The following REDIC1 variants were observed in gnomAD, a reference collection of about 807,000 sequenced individuals.
REDIC1 encodes the protein HEI10 Interacting Protein 1.
the REDIC1 span, among the ~76,000 whole-genome samples, chr12:39,729,967 G>T: frequency 1.4e-4 from 21 of 152,114 alleles, no homozygotes; most frequent in African/African-American, 5.1e-4. Flanking sequence ...TTTTATCAGA[G>T]ACTAGGATTG....
the REDIC1 span, among the ~76,000 whole-genome samples, chr12:39,777,233 G>A: frequency 6.6e-6 from 1 of 152,126 alleles, no homozygotes; most frequent in East Asian, 1.9e-4. Flanking sequence ...GAAAAGAAGA[G>A]ACCGGACTAA....
chr12:39,783,717 T>C, the REDIC1 span, among the ~76,000 whole-genome samples: 1 of 152,184 alleles, frequency 6.6e-6, no homozygotes, highest in Non-Finnish European at 1.5e-5. Flanking sequence ...TGGGGGTTGT[T>C]TGTTTTCTTG....
At chr12:39,683,360 A>G in the REDIC1 span, 7 of 1,341,592 alleles carry the variant, frequency 5.2e-6, no homozygotes, top group Non-Finnish European at 7.4e-6. Context: ...TGAATTAAAA[A>G]ATGAAAATAG....
the REDIC1 span, among the ~76,000 whole-genome samples, chr12:39,713,277 CACA>C: frequency 6.0e-5 from 1 of 16,628 alleles, no homozygotes; most frequent in Non-Finnish European, 3.1e-4. Context: ...TGTGTACACA[CACA>C]TACGTGTATA....
the REDIC1 span, among the ~76,000 whole-genome samples, chr12:39,726,773 C>T: frequency 6.6e-6 from 1 of 152,200 alleles, no homozygotes. Flanking sequence ...AATTTACACT[C>T]CCACCAACAG....
At chr12:39,700,342 G>T in the REDIC1 span, among the ~76,000 whole-genome samples, 2 of 152,170 alleles carry the variant, frequency 1.3e-5, no homozygotes, top group South Asian at 2.1e-4. Flanking sequence ...GGGTATCAGC[G>T]ATGGAAGATG....
the REDIC1 span, among the ~76,000 whole-genome samples, chr12:39,742,065 G>T: frequency 6.6e-6 from 1 of 152,086 alleles, no homozygotes; most frequent in Non-Finnish European, 1.5e-5. Flanking sequence ...ATGGTGGGGG[G>T]TATAATGAGG....
chr12:39,797,304 T>A, the REDIC1 span, among the ~76,000 whole-genome samples: 1 of 152,236 alleles, frequency 6.6e-6, no homozygotes, highest in Non-Finnish European at 1.5e-5. Flanking sequence ...TGAAAAATGC[T>A]AACATTTTCA....
the REDIC1 span, among the ~76,000 whole-genome samples, chr12:39,677,316 CT>C: frequency 6.6e-6 from 1 of 152,020 alleles, no homozygotes; most frequent in East Asian, 1.9e-4. Flanking sequence ...ACAAAACAGA[CT>C]TTAAAGCAAA....
chr12:39,711,360 C>CATATATACATCTATATGTATAT, the REDIC1 span, among the ~76,000 whole-genome samples: 2 of 144,628 alleles, frequency 1.4e-5, no homozygotes, highest in East Asian at 2.0e-4. Flanking sequence ...TGTATATATA[C>CATATATACATCTATATGTATAT]ATATATACAC....
chr12:39,727,058 G>T, the REDIC1 span, among the ~76,000 whole-genome samples: 1 of 152,118 alleles, frequency 6.6e-6, no homozygotes, highest in African/African-American at 2.4e-5. Flanking sequence ...GCAGATTCTG[G>T]ATATTAGCCC....
chr12:39,742,295 G>A, the REDIC1 span, among the ~76,000 whole-genome samples: 1 of 152,144 alleles, frequency 6.6e-6, no homozygotes, highest in Admixed American at 6.5e-5. Context: ...CCTTTCCACA[G>A]TTAAATATCC....
chr12:39,736,638 T>A, the REDIC1 span: 1 of 152,234 alleles, frequency 6.6e-6, no homozygotes, highest in African/African-American at 2.4e-5. Flanking sequence ...ACAGAAGTGA[T>A]GTTGCATGGT....
At chr12:39,683,338 G>T in the REDIC1 span, 1 of 1,188,340 alleles carries the variant, frequency 8.4e-7, no homozygotes, top group African/African-American at 1.5e-5. Context: ...TACGTGTCAT[G>T]TGAATATGCT....
chr12:39,713,688 T>C, the REDIC1 span, among the ~76,000 whole-genome samples: 2 of 145,306 alleles, frequency 1.4e-5, no homozygotes, highest in East Asian at 3.9e-4. Flanking sequence ...TATGCCTGTA[T>C]ACATGCGTAT....
the REDIC1 span, among the ~76,000 whole-genome samples, chr12:39,686,802 T>A: frequency 6.6e-6 from 1 of 152,366 alleles, no homozygotes; most frequent in South Asian, 2.1e-4. Context: ...CAGTTTTATA[T>A]CATTTCTTTG....
chr12:39,820,259 G>C, the REDIC1 span, among the ~76,000 whole-genome samples: 4 of 152,196 alleles, frequency 2.6e-5, no homozygotes, highest in Non-Finnish European at 4.4e-5. Flanking sequence ...CATCCTAACA[G>C]AGGGCAAGTG....
chr12:39,627,409 TA>T, the REDIC1 span, among the ~76,000 whole-genome samples: 2 of 152,228 alleles, frequency 1.3e-5, no homozygotes, highest in Non-Finnish European at 2.9e-5. Flanking sequence ...TTTAAAATAT[TA>T]AATAGGATTA....
At chr12:39,784,261 T>C in the REDIC1 span, among the ~76,000 whole-genome samples, 28 of 152,238 alleles carry the variant, frequency 1.8e-4, no homozygotes, top group East Asian at 7.7e-4. Flanking sequence ...GAGCCCGCAT[T>C]GCCAAGTCAA....
Sources: allele counts gnomAD v4.1 joint callset (sites outside exome capture counted in the v4.1 genomes callset), GRCh38; gene constraint gnomAD v4.1.1; transcripts MANE v1.5; gene names NCBI Gene and HGNC (gene_info 2026-07-23, HGNC 2026-07-21).